The following CDH23 variants were observed in gnomAD, a reference collection of about 807,000 sequenced individuals.
CDH23 encodes cadherin-23.
In CDH23, 189 loss-of-function variants were observed where a neutral mutation model predicts 317.1. That is an observed-to-expected ratio of 0.60 (90% CI 0.53 to 0.67). The LOEUF is 0.67. Among genes scored for constraint, CDH23 ranks in the 30% least tolerant of loss-of-function variants. The probability of loss-of-function intolerance (pLI) is 0.00; values close to 1 mark genes in which losing one functional copy is unlikely to be tolerated. For synonymous variants in CDH23, 1,839 were observed against 1,876.8 expected (o/e 0.98, Z 0.52); for missense variants, 4,401 against 4,592.4 (o/e 0.96, Z 1.20).
intron 1 of CDH23, 68 bp from the exon 2 acceptor site, chr10:71,439,759 G>T: frequency 8.7e-7 from 1 of 1,151,364 alleles, no homozygotes; most frequent in East Asian, 2.6e-5. Flanking sequence ...GAGGTGGGAG[G>T]GGCTGAGGAG....
chr10:71,449,651 T>C (rs1202368128), intron 3 of CDH23, among the ~76,000 whole-genome samples: 1 of 152,260 alleles, frequency 6.6e-6, no homozygotes, highest in Non-Finnish European at 1.5e-5. Flanking sequence ...AAAATTCCTT[T>C]TAAGAATCAG....
chr10:71,796,025 G>A, intron 48 of CDH23: 1 of 986,728 alleles, frequency 1.0e-6, no homozygotes, highest in Non-Finnish European at 1.2e-6. Context: ...CAGCCTGGGG[G>A]ACAGGGAGCG....
At chr10:71,691,385 A>G (rs1276197167) in intron 20 of CDH23, among the ~76,000 whole-genome samples, 1 of 145,590 alleles carries the variant, frequency 6.9e-6, no homozygotes, top group Non-Finnish European at 1.5e-5. Context: ...GGGTACAGGA[A>G]GGAATAAGAC....
chr10:71,478,686 C>A (rs956805151), intron 3 of CDH23, among the ~76,000 whole-genome samples: 2 of 152,188 alleles, frequency 1.3e-5, no homozygotes, highest in Non-Finnish European at 2.9e-5. Context: ...CCTGCCCCCT[C>A]CCATCTATCT....
intron 38 of CDH23, among the ~76,000 whole-genome samples, chr10:71,769,539 T>C (rs1218547276): frequency 3.9e-5 from 6 of 152,102 alleles, no homozygotes; most frequent in African/African-American, 1.4e-4. Flanking sequence ...ATCACAAAGG[T>C]GATAAGCAAA....
intron 38 of CDH23, chr10:71,761,922 C>G (rs1840400913): frequency 3.7e-6 from 6 of 1,613,954 alleles, no homozygotes; most frequent in African/African-American, 1.3e-5. Context: ...ACATCGTGCC[C>G]TTTGTCCACA....
chr10:71,532,711 G>GTTTTTTTTTTT (rs531593760), intron 6 of CDH23, among the ~76,000 whole-genome samples: 2 of 128,148 alleles, frequency 1.6e-5, no homozygotes, highest in Admixed American at 8.1e-5. Context: ...TTTTGTTTTT[G>GTTTTTTTTTTT]TTTTTTTTTT....
intron 39 of CDH23, 134 bp downstream of exon 39, chr10:71,778,035 G>A (rs1191496405): frequency 7.0e-7 from 1 of 1,425,222 alleles, no homozygotes. Context: ...AGTGTGGGAG[G>A]ATGAAAAGTT....
chr10:71,591,763 T>A (rs1468514620), intron 9 of CDH23, among the ~76,000 whole-genome samples: 1 of 151,916 alleles, frequency 6.6e-6, no homozygotes, highest in East Asian at 1.9e-4. Context: ...CTTCTGAGAG[T>A]CACCTCAATG....
At chr10:71,448,514 G>A (rs558126758) in intron 3 of CDH23, among the ~76,000 whole-genome samples, 24 of 152,180 alleles carry the variant, frequency 1.6e-4, no homozygotes, top group Non-Finnish European at 3.2e-4. Flanking sequence ...GGCAGGGGGT[G>A]GGTGCGGAGC....
At chr10:71,766,529 T>TC (rs968231958) in intron 38 of CDH23, among the ~76,000 whole-genome samples, 7 of 152,314 alleles carry the variant, frequency 4.6e-5, no homozygotes, top group Middle Eastern at 3.4e-3. Context: ...CTTGGGCAGA[T>TC]CCCACCCTTC....
intron 18 of CDH23, among the ~76,000 whole-genome samples, chr10:71,687,387 C>T (rs1034899556): frequency 1.3e-5 from 2 of 152,096 alleles, no homozygotes; most frequent in Non-Finnish European, 2.9e-5. Flanking sequence ...GCTGCCGGCA[C>T]ACTCCCTCTT....
intron 6 of CDH23, among the ~76,000 whole-genome samples, chr10:71,550,830 T>C (rs1468250034): frequency 6.6e-6 from 1 of 151,992 alleles, no homozygotes; most frequent in Non-Finnish European, 1.5e-5. Context: ...TGGGGGAAGC[T>C]CTGGGAAGAG....
intron 42 of CDH23, 135 bp from the exon 43 acceptor site, chr10:71,784,756 C>T: frequency 1.4e-6 from 1 of 696,738 alleles, no homozygotes. Flanking sequence ...TTCCTCTCCC[C>T]TTTTCTCTTT....
chr10:71,494,294 G>T (rs1219457760), intron 3 of CDH23, among the ~76,000 whole-genome samples: 2 of 152,162 alleles, frequency 1.3e-5, no homozygotes, highest in African/African-American at 4.8e-5. Flanking sequence ...CCTGCTCAAA[G>T]GCCTTTGGGG....
intron 6 of CDH23, among the ~76,000 whole-genome samples, chr10:71,556,684 T>G (rs1856892444): frequency 6.6e-6 from 1 of 152,148 alleles, no homozygotes; most frequent in African/African-American, 2.4e-5. Context: ...TTTATCAAAG[T>G]AATATATGTA....
chr10:71,673,868 C>G (rs565978253), intron 14 of CDH23, among the ~76,000 whole-genome samples: 2 of 152,194 alleles, frequency 1.3e-5, no homozygotes, highest in South Asian at 4.1e-4. Flanking sequence ...GGAGAGGCCC[C>G]GTCCAGGAGC....
chr10:71,666,502 A>G (rs1863902994), intron 14 of CDH23, among the ~76,000 whole-genome samples: 1 of 152,056 alleles, frequency 6.6e-6, no homozygotes, highest in African/African-American at 2.4e-5. Flanking sequence ...CCCTTTGCCC[A>G]TCTAACACCC....
chr10:71,801,406 G>A (rs970832265), intron 53 of CDH23, among the ~76,000 whole-genome samples: 1 of 151,800 alleles, frequency 6.6e-6, no homozygotes, highest in Admixed American at 6.6e-5. Flanking sequence ...CGCCCACCTC[G>A]GCCTCCCAAA....
Sources: gnomAD v4.1 joint callset for allele counts (sites outside exome capture counted in the v4.1 genomes callset) on GRCh38, gnomAD v4.1.1 for gene constraint, MANE v1.5 for transcripts, NCBI Gene and HGNC (gene_info 2026-07-23, HGNC 2026-07-21) for gene names.